The following ZNF791 variants were observed in gnomAD, a reference collection of about 807,000 sequenced individuals.
ZNF791 encodes the protein zinc finger protein 791.
A neutral mutation model predicts 11.5 loss-of-function variants in ZNF791; 4 were observed. That is an observed-to-expected ratio of 0.35 (90% CI 0.17 to 0.80). The LOEUF (loss-of-function observed/expected upper bound fraction) is 0.80, where lower values mean the gene tolerates loss of function less well. Ranked by LOEUF, ZNF791 falls within the 30% of genes least tolerant of loss-of-function variation. The probability of loss-of-function intolerance (pLI) is 0.53; values close to 1 mark genes in which losing one functional copy is unlikely to be tolerated. For synonymous variants in ZNF791, 212 were observed against 228.1 expected, an observed-to-expected ratio of 0.93 and a Z score of 0.64; for missense variants, 559 against 699.4, an observed-to-expected ratio of 0.80 and a Z score of 2.26.
rs554652858 is a variant in ZNF791, at chr19:12,632,153, G to A, written c.*2893G>A. The A allele has an allele frequency of 6.6e-6, 1 of 151,714 alleles. No individual in the cohort carries two copies. The highest frequency in any genetic ancestry group is 1.5e-5 in the Non-Finnish European group (1 of 67,982). 9.4% of individuals were successfully genotyped at this position (151,714 alleles called of 1,614,324 possible). A position where few individuals can be genotyped will look rare whatever the true frequency, so the allele number is the denominator to read the frequency against. ...TTTTTTTTGTATTTTTAGTAGAGAT[G>A]GGGTTTCACCGTGTTAAGCCAGGAT... On this transcript the variant is annotated 3_prime_UTR_variant, in exon 4 of 4. Transcript: ENST00000343325.
intron 1 of ZNF791, among the ~76,000 whole-genome samples, chr19:12,615,640 G>A (rs1044200531): frequency 3.9e-5 from 6 of 151,978 alleles, no homozygotes; most frequent in Admixed American, 3.3e-4. Flanking sequence ...TTAGCTGGGT[G>A]TGGTGGCGCA....
At chr19:12,614,069 C>G (rs1239506452) in intron 1 of ZNF791, among the ~76,000 whole-genome samples, 1 of 152,054 alleles carries the variant, frequency 6.6e-6, no homozygotes, top group Non-Finnish European at 1.5e-5. Flanking sequence ...CAATCTCAAT[C>G]TGGTTGAGAG....
intron 1 of ZNF791, among the ~76,000 whole-genome samples, chr19:12,621,785 C>G (rs12985774): frequency 7.1e-5 from 8 of 112,848 alleles, no homozygotes; most frequent in East Asian, 6.4e-4. Context: ...TCAGCCCCCC[C>G]GCCCGGCCAG....
At chr19:12,618,395 C>T (rs2023279792) in intron 1 of ZNF791, among the ~76,000 whole-genome samples, 2 of 152,092 alleles carry the variant, frequency 1.3e-5, no homozygotes, top group Non-Finnish European at 2.9e-5. Context: ...CCTGTAGTCC[C>T]AGCTACTCAG....
rs1599329141 is a variant in ZNF791 at position 12,629,376 on chromosome 19, G to A, written c.*116G>A. The A allele has an allele frequency of 1.0e-5, 8 of 765,686 alleles. No individual in the cohort carries two copies. The South Asian group carries it at 1.2e-4, about 12-fold the overall frequency. The allele number at this position is 765,686 out of a possible 1,614,324, so 47.4% of individuals were successfully genotyped here. A position where few individuals can be genotyped will look rare whatever the true frequency, so the allele number is the denominator to read the frequency against. ...TGTCAATGTAAGTAATATAGAAAGC[G>A]AGATACAAGATGATTCATGTATAGT... On this transcript the variant is annotated 3_prime_UTR_variant, in exon 4 of 4. Coordinates refer to ENST00000343325, the MANE Select transcript of ZNF791 (RefSeq NM_153358.3).
rs1262071802 is a variant in ZNF791 at position 12,623,777 on chromosome 19, ACT to A, written c.84_85del (p.Tyr29GlnfsTer24). 1 of 1,612,706 alleles carries A rather than the reference ACT, an allele frequency of 6.2e-7. No homozygotes were observed. Among genetic ancestry groups the A allele is most frequent in the Non-Finnish European group, 8.5e-7 (1 of 1,179,608 alleles). On this transcript the variant is annotated frameshift_variant, in exon 2 of 4. Transcript: ENST00000343325. LOFTEE classifies it high-confidence loss of function. ...WALLAPSQKK[L>X]YRDVMQETFK... ...CTCTGCTGGCTCCTTCACAGAAGAA[ACT>A]CTACAGAGATGTGATGCAGGAAACA...
intron 1 of ZNF791, among the ~76,000 whole-genome samples, chr19:12,612,616 A>ATTTTT (rs767002893): frequency 9.0e-6 from 1 of 111,540 alleles, no homozygotes; most frequent in Non-Finnish European, 1.9e-5. Context: ...TAATTTTTGT[A>ATTTTT]TTTTTTTTTT....
At chr19:12,615,454 T>C (rs1176443723) in intron 1 of ZNF791, among the ~76,000 whole-genome samples, 3 of 152,150 alleles carry the variant, frequency 2.0e-5, no homozygotes, top group Non-Finnish European at 4.4e-5. Context: ...GCTTGATACC[T>C]GATTTCTCTT....
At chr19:12,621,714 C>CGCGG (rs1555703243) in intron 1 of ZNF791, among the ~76,000 whole-genome samples, 1 of 74,984 alleles carries the variant, frequency 1.3e-5, no homozygotes, top group African/African-American at 5.0e-5. Flanking sequence ...ACCTCCACCT[C>CGCGG]GGTGGGGGGT....
chr19:12,612,207 T>TTC (rs1491052863), intron 1 of ZNF791: 29 of 226,818 alleles, frequency 1.3e-4, no homozygotes, highest in South Asian at 6.2e-4. Flanking sequence ...TATTATTTTC[T>TTC]TTTTTTTTTT....
At chr19:12,616,518 C>T (rs556223223) in intron 1 of ZNF791, among the ~76,000 whole-genome samples, 115 of 152,228 alleles carry the variant, frequency 7.6e-4, no homozygotes, top group African/African-American at 2.7e-3. Flanking sequence ...GGGGCTGGAG[C>T]TGCCAAGGGA....
At chr19:12,619,899 CTTTATTTA>C (rs33966943) in intron 1 of ZNF791, among the ~76,000 whole-genome samples, 2 of 148,516 alleles carry the variant, frequency 1.3e-5, no homozygotes, top group African/African-American at 2.5e-5. Context: ...TATATGAAAT[CTTTATTTA>C]TTTATTTATT....
rs1286454180 is a variant in ZNF791 at position 12,625,585 on chromosome 19, G to A, written c.191+875G>A. Among the ~76,000 whole-genome samples the A allele has an allele frequency of 2.0e-5, 3 of 150,410 alleles. No individual in the cohort carries two copies. In the East Asian group the frequency reaches 6.2e-4, roughly 31 times the overall value. ...GGATCACCAGAGGTCAGGAGATCAA[G>A]ACCAGTCTGGCCAACACAGTGAAAA... On this transcript the variant is annotated intron_variant, in intron 3 of 3. Transcript: ENST00000343325.
intron 3 of ZNF791, among the ~76,000 whole-genome samples, chr19:12,625,506 C>T (rs114987372): frequency 0.013 from 1,913 of 151,740 alleles, 37 homozygotes; most frequent in African/African-American, 0.045. Flanking sequence ...ATACTTGGGC[C>T]GGGCACTGTG....
rs896025334 is a variant in ZNF791, at chr19:12,610,989, A to G, written c.-91A>G. On this transcript the variant is annotated 5_prime_UTR_variant, in exon 1 of 4. Transcript: ENST00000343325. ...GGGTCTCCTGGCCCCTTGACGCGTC[A>G]GGTTGCTGTACCCCTGCATCGGATG... 31 of 1,562,698 alleles carry G rather than the reference A, an allele frequency of 2.0e-5. 2 individuals carry two copies. The South Asian group carries it at 3.5e-4, about 17-fold the overall frequency.
rs760792416 is a variant in ZNF791 at position 12,611,051 on chromosome 19, CAA to C, written c.-28_-27del. The C allele has an allele frequency of 4.3e-6, 7 of 1,614,164 alleles. No individual in the cohort carries two copies. The South Asian group carries it at 6.6e-5, about 15-fold the overall frequency. ...GCGCTGGCTCCGTGAACCTTAGGGA[CAA>C]CACCGGGACACCCGCGAGGCCGGAA... On this transcript the variant is annotated 5_prime_UTR_variant, in exon 1 of 4. Coordinates refer to ENST00000343325, the MANE Select transcript of ZNF791 (RefSeq NM_153358.3).
In ZNF791 at chr19:12,630,532, C is replaced by T. The variant is rs555523106; in HGVS notation, c.*1272C>T. The T allele has an allele frequency of 6.6e-6, 1 of 152,214 alleles. No individual in the cohort carries two copies. The highest frequency in any genetic ancestry group is 1.9e-4 in the East Asian group (1 of 5,180). 9.4% of individuals were successfully genotyped at this position (152,214 alleles called of 1,614,324 possible). On this transcript the variant is annotated 3_prime_UTR_variant, in exon 4 of 4. Coordinates refer to ENST00000343325, the MANE Select transcript of ZNF791 (RefSeq NM_153358.3). ...GCTAAGTTACTGGTTTATATATTTA[C>T]AATCCTGTTTTAGAATGTATTCCTG...
At chr19:12,622,415 A>AC (rs2023367534) in intron 1 of ZNF791, among the ~76,000 whole-genome samples, 1 of 144,614 alleles carries the variant, frequency 6.9e-6, no homozygotes. Flanking sequence ...CTCAAACAAA[A>AC]AAAAAAAAAA....
chr19:12,614,892 C>CTTTTTTTTTT lies in ZNF791; in HGVS notation c.3+3836_3+3845dup, dbSNP rs57575424. 4.6e-3 allele frequency among the ~76,000 whole-genome samples: 81 copies of CTTTTTTTTTT among 17,560 alleles called. 24 individuals carry two copies. Among genetic ancestry groups the CTTTTTTTTTT allele is most frequent in the Non-Finnish European group, 7.9e-3 (61 of 7,722 alleles). The allele number at this position is 17,560 out of a possible 152,430, so 11.5% of individuals were successfully genotyped here. On this transcript the variant is annotated intron_variant, in intron 1 of 3. Transcript: ENST00000343325. ...ACAGGTGTGAGCCACTGCGTCCGGC[C>CTTTTTTTTTT]TTTTTTTTTTTTTTTTTTTTTTTTT...
Sources: gnomAD v4.1 joint callset for allele counts (sites outside exome capture counted in the v4.1 genomes callset) on GRCh38, gnomAD v4.1.1 for gene constraint, MANE v1.5 for transcripts, NCBI Gene and HGNC (gene_info 2026-07-23, HGNC 2026-07-21) for gene names.